The following TRIO variants were observed in gnomAD, a reference collection of about 807,000 sequenced individuals.
TRIO encodes the protein trio Rho guanine nucleotide exchange factor, also known as triple functional domain protein.
Under a neutral mutation model 351.9 loss-of-function variants are expected in TRIO, and 58 were observed. The ratio of observed to expected loss-of-function variants is 0.16; its 90% confidence interval spans 0.13 to 0.21. TRIO has a LOEUF of 0.21. Among genes scored for constraint, TRIO ranks in the 10% least tolerant of loss-of-function variants. TRIO has a pLI of 1.00. For synonymous variants in TRIO, 1,758 were observed against 1,595.7 expected, an observed-to-expected ratio of 1.10 and a Z score of -2.42; for missense variants, 3,201 against 4,027.8, an observed-to-expected ratio of 0.79 and a Z score of 5.56.
At chr5:14,297,048 C>T in intron 6 of TRIO, 24 bp from the exon 7 acceptor site, 1 of 1,597,820 alleles carries the variant, frequency 6.3e-7, no homozygotes. Flanking sequence ...CCTAAGGAGC[C>T]CTCTTTTCCT....
chr5:14,415,892 A>C (rs1749601426), intron 33 of TRIO, among the ~76,000 whole-genome samples: 1 of 151,940 alleles, frequency 6.6e-6, no homozygotes, highest in South Asian at 2.1e-4. Context: ...TTAATAGTGA[A>C]AAGTTGAAAG....
chr5:14,498,612 C>A lies in TRIO; in HGVS notation c.8304C>A (p.Ala2768=). The A allele has an allele frequency of 6.2e-7, 1 of 1,614,062 alleles. No homozygotes were observed. The highest frequency in any genetic ancestry group is 8.5e-7 in the Non-Finnish European group (1 of 1,179,876). The change falls in exon 53 of 57, where the codon GCC becomes GCA. Residue 2768 remains alanine, a synonymous_variant. Transcript: ENST00000344204. Reference sequence around the variant, plus strand: ...TCGCTGTCAATGACATGGGTTCAGCCTCATCGTCGGCCAGCCTGAGGGTCC... The same window carrying A: ...TCGCTGTCAATGACATGGGTTCAGCATCATCGTCGGCCAGCCTGAGGGTCC... ...TCIAVNDMGS[A]SSSASLRVLG...
intron 1 of TRIO, among the ~76,000 whole-genome samples, chr5:14,154,799 T>A (rs1788012528): frequency 6.6e-6 from 1 of 152,228 alleles, no homozygotes; most frequent in Non-Finnish European, 1.5e-5. Context: ...GCAGACACTG[T>A]ATAATCAGAA....
intron 1 of TRIO, among the ~76,000 whole-genome samples, chr5:14,197,728 T>A (rs1283200682): frequency 6.6e-6 from 1 of 152,228 alleles, no homozygotes; most frequent in Admixed American, 6.5e-5. Flanking sequence ...GTAGTCATGA[T>A]ATCAGCATTT....
In TRIO at chr5:14,405,247, G is replaced by A. The variant is rs540598141; in HGVS notation, c.4717-601G>A. 9.2e-5 allele frequency among the ~76,000 whole-genome samples: 14 copies of A among 152,312 alleles called. No homozygotes were observed. The South Asian group carries it at 2.9e-3, about 32-fold the overall frequency. ...TCGGGGATTGGCAGTTGGTGAGCTT[G>A]GAACATTGGGCACATTTCTTCTGTC... On this transcript the variant is annotated intron_variant, in intron 31 of 56. Transcript: ENST00000344204.
Position 14,492,541 on chromosome 5 carries a change from C to G in TRIO, c.7633-26C>G, listed in dbSNP as rs536785340. 442 of 1,610,212 alleles carry G rather than the reference C, an allele frequency of 2.7e-4. 5 individuals are homozygous for G. The South Asian group carries it at 4.7e-3, about 17-fold the overall frequency. On this transcript the variant is annotated intron_variant, in intron 48 of 56. Transcript: ENST00000344204. ...CTCGTTTCAGTTCCTCCCTGCCTTT[C>G]TCTGTCTTCATCTGTCCCTCTGCAG...
At chr5:14,403,990 G>A (rs1748476053) in intron 31 of TRIO, among the ~76,000 whole-genome samples, 1 of 139,912 alleles carries the variant, frequency 7.1e-6, no homozygotes, top group South Asian at 2.2e-4. Context: ...TGAGGGTGCA[G>A]GTTGTGGTGA....
intron 1 of TRIO, among the ~76,000 whole-genome samples, chr5:14,192,462 C>G (rs999818099): frequency 6.6e-6 from 1 of 152,020 alleles, no homozygotes; most frequent in Non-Finnish European, 1.5e-5. Flanking sequence ...TTTGTAGAGA[C>G]AAGGTCTCAC....
At chr5:14,275,476 A>T (rs928064971) in intron 2 of TRIO, among the ~76,000 whole-genome samples, 1 of 152,188 alleles carries the variant, frequency 6.6e-6, no homozygotes, top group African/African-American at 2.4e-5. Context: ...GCATAATTCC[A>T]CAGTAATAAC....
chr5:14,465,939 A>T, intron 37 of TRIO: 1 of 344,836 alleles, frequency 2.9e-6, no homozygotes. Flanking sequence ...GCTGCCAGCC[A>T]TGCTCTCCCA....
chr5:14,278,574 A>G (rs1044864408), intron 2 of TRIO, among the ~76,000 whole-genome samples: 1 of 152,234 alleles, frequency 6.6e-6, no homozygotes, highest in African/African-American at 2.4e-5. Flanking sequence ...AAGTTTCTGT[A>G]ATATGTGTTG....
intron 1 of TRIO, among the ~76,000 whole-genome samples, chr5:14,150,739 T>C (rs1157624817): frequency 1.3e-5 from 2 of 152,124 alleles, no homozygotes; most frequent in Non-Finnish European, 2.9e-5. Flanking sequence ...TTGAACAAAA[T>C]TGAGTTAATT....
At chr5:14,346,778 T>G (rs1272313155) in intron 11 of TRIO, among the ~76,000 whole-genome samples, 5 of 152,266 alleles carry the variant, frequency 3.3e-5, no homozygotes, top group Admixed American at 3.3e-4. Context: ...GGGCTATCTC[T>G]TAGTTACTAG....
intron 16 of TRIO, among the ~76,000 whole-genome samples, chr5:14,367,501 T>G (rs1310834121): frequency 6.6e-6 from 1 of 152,220 alleles, no homozygotes; most frequent in African/African-American, 2.4e-5. Context: ...AAAAGCAGCC[T>G]TGTTCACCTT....
rs149759525 is a variant in TRIO, at chr5:14,359,999, C to G, written c.2391+468C>G. ...CCTCCTGTCCTCACCCTCCCCTTTT[C>G]TCTCTCTCTCCACCTTCTCTCTCTC... On this transcript the variant is annotated intron_variant, in intron 13 of 56. Coordinates refer to ENST00000344204, the MANE Select transcript of TRIO (RefSeq NM_007118.4). Among the ~76,000 whole-genome samples, 239 of 152,112 alleles carry G rather than the reference C, an allele frequency of 1.6e-3. 1 individual carries two copies. Among genetic ancestry groups the G allele is most frequent in the African/African-American group, 5.3e-3 (221 of 41,518 alleles).
chr5:14,374,176 T>C, intron 18 of TRIO, 53 bp from the exon 19 acceptor site: 1 of 1,413,852 alleles, frequency 7.1e-7, no homozygotes, highest in South Asian at 1.2e-5. Flanking sequence ...GTACTCCAAA[T>C]ACACGTTTGT....
chr5:14,467,045 A>G (rs980276126), intron 37 of TRIO, among the ~76,000 whole-genome samples: 4 of 152,246 alleles, frequency 2.6e-5, no homozygotes, highest in African/African-American at 9.6e-5. Context: ...AGATAAGGAA[A>G]TTGAGGCACA....
At chr5:14,260,514 A>G (rs1484699349) in intron 1 of TRIO, among the ~76,000 whole-genome samples, 3 of 152,382 alleles carry the variant, frequency 2.0e-5, no homozygotes, top group East Asian at 1.9e-4. Context: ...AGCTTTATCA[A>G]GGGACTGACT....
intron 37 of TRIO, 56 bp from the exon 38 acceptor site, chr5:14,471,262 T>G: frequency 6.5e-7 from 1 of 1,533,568 alleles, no homozygotes; most frequent in Non-Finnish European, 8.8e-7. Context: ...GTCTTAGTTT[T>G]AGCCAATCAT....
Sources: allele counts gnomAD v4.1 joint callset (sites outside exome capture counted in the v4.1 genomes callset), GRCh38; gene constraint gnomAD v4.1.1; transcripts MANE v1.5; gene names NCBI Gene and HGNC (gene_info 2026-07-23, HGNC 2026-07-21).